The following CACNA1I variants were observed in gnomAD, a reference collection of about 807,000 sequenced individuals.
CACNA1I encodes the protein calcium voltage-gated channel subunit alpha1 I.
A neutral mutation model predicts 201.6 loss-of-function variants in CACNA1I; 74 were observed. The observed-to-expected ratio is 0.37, with a 90% CI of 0.30 to 0.45. The LOEUF (loss-of-function observed/expected upper bound fraction) is 0.45. CACNA1I is among the 20% of genes least tolerant of loss of function. The probability of loss-of-function intolerance (pLI) is 1.00; values close to 1 mark genes in which losing one functional copy is unlikely to be tolerated. For missense variants in CACNA1I, 2,346 were observed against 3,138.1 expected, an observed-to-expected ratio of 0.75 and a Z score of 6.03; for synonymous variants, 1,431 against 1,345.2, an observed-to-expected ratio of 1.06 and a Z score of -1.40.
At chr22:39,655,829 T>A (rs534138880) in intron 10 of CACNA1I, among the ~76,000 whole-genome samples, 1 of 152,328 alleles carries the variant, frequency 6.6e-6, no homozygotes, top group South Asian at 2.1e-4. Flanking sequence ...ACAGGTGTGC[T>A]GAATGGAGGA....
chr22:39,604,938 C>T (rs985433085), intron 3 of CACNA1I, among the ~76,000 whole-genome samples: 1 of 152,068 alleles, frequency 6.6e-6, no homozygotes, highest in Non-Finnish European at 1.5e-5. Context: ...TTTGGGAACT[C>T]AGGTGAACAG....
At chr22:39,682,401 A>T in intron 34 of CACNA1I, 95 bp from the exon 35 acceptor site, 2 of 1,007,234 alleles carry the variant, frequency 2.0e-6, no homozygotes, top group Non-Finnish European at 3.0e-6. Context: ...AGGGTAGCCT[A>T]GTTAAGCAAG....
At position 39,659,688 on chromosome 22, in the gene CACNA1I, C is replaced by T. The variant is rs773263655; in HGVS notation, c.2449-9C>T. 5.0e-6 allele frequency: 8 copies of T among 1,613,672 alleles called. No homozygotes were observed. In the South Asian group the frequency reaches 7.7e-5, roughly 16 times the overall value. ...GGGTACCCCAGGGCTAACTGTGTCT[C>T]CCCAACAGATCCTCACCCAGGAGGA... On this transcript the variant is annotated splice_polypyrimidine_tract_variant and intron_variant, in intron 13 of 36. Transcript: ENST00000402142. This position sits in a 1 kb window ranked among gnomAD's most constrained non-coding sequence, Gnocchi z 4.3.
chr22:39,620,193 A>G (rs1296735945), intron 4 of CACNA1I, among the ~76,000 whole-genome samples: 1 of 145,044 alleles, frequency 6.9e-6, no homozygotes, highest in Non-Finnish European at 1.5e-5. Context: ...TCATCCATCC[A>G]TTCACCCACC....
chr22:39,581,858 C>T (rs936655689), intron 1 of CACNA1I, among the ~76,000 whole-genome samples: 17 of 152,188 alleles, frequency 1.1e-4, no homozygotes, highest in Admixed American at 5.9e-4. Flanking sequence ...CCTCATCTGC[C>T]GAGTGGAGCC....
chr22:39,605,469 C>CCATTCATT (rs373946045), intron 3 of CACNA1I, among the ~76,000 whole-genome samples: 5 of 152,254 alleles, frequency 3.3e-5, no homozygotes, highest in Middle Eastern at 3.4e-3. Flanking sequence ...CCGGATGGTA[C>CCATTCATT]CATTCATTCA....
In CACNA1I at chr22:39,661,132, T is replaced by C. The variant is rs997849199; in HGVS notation, c.2723T>C (p.Met908Thr). Residue 908 changes from methionine (M) to threonine (T), a missense_variant, in exon 16 of 37, where the codon ATG (methionine) becomes ACG (threonine). Met to Thr is a moderately conservative substitution (Grantham distance 81, BLOSUM62 -1). Around this residue, in one of 13 missense-constraint regions of CACNA1I, gnomAD observed 92 missense variants for 114.5 expected, o/e 0.80. Transcript: ENST00000402142. ...SGDPKLCPIP[M>T]TPNGHLDPSL... ...GATCCCAAGCTCTGCCCAATCCCCA[T>C]GACCCCCAATGGGCACCTGGACCCC... The C allele has an allele frequency of 7.4e-6, 12 of 1,613,224 alleles. No homozygotes were observed. The African/African-American group carries it at 8.0e-5, about 11-fold the overall frequency.
intron 1 of CACNA1I, among the ~76,000 whole-genome samples, chr22:39,594,184 T>C (rs573868507): frequency 1.3e-5 from 2 of 152,286 alleles, no homozygotes; most frequent in East Asian, 3.9e-4. Flanking sequence ...TTTCCCCATG[T>C]CTCAGCCTTC....
chr22:39,607,195 T>G (rs1933245875), intron 3 of CACNA1I, among the ~76,000 whole-genome samples: 1 of 152,174 alleles, frequency 6.6e-6, no homozygotes, highest in African/African-American at 2.4e-5. Flanking sequence ...GGAGGCGCCT[T>G]ACATCTGAAA....
In CACNA1I at chr22:39,658,943, T is replaced by G; in HGVS notation, c.2157T>G (p.Ile719Met). The G allele has an allele frequency of 6.3e-7, 1 of 1,595,882 alleles. No individual in the cohort carries two copies. Residue 719 changes from isoleucine to methionine, a missense_variant, in exon 12 of 37, where the codon ATT becomes ATG. Ile to Met is a conservative substitution (Grantham distance 10). Transcript: ENST00000402142. ...SIIVIISIWE[I>M]VGQADGGLSV... ...TGCGGGACCGCAGCATCTGGGAGAT[T>G]GTGGGGCAGGCGGACGGTGGGCTGT...
In CACNA1I at chr22:39,649,522, C is replaced by A; in HGVS notation, c.1589C>A (p.Pro530His). The A allele has an allele frequency of 6.4e-7, 1 of 1,562,928 alleles. No individual in the cohort carries two copies. Among genetic ancestry groups the A allele is most frequent in the South Asian group, 1.2e-5 (1 of 84,472 alleles). ...SGRELCPQHS[P>H]LDATPHTLVQ... ...TCAGAGCTGTGCCCGCAACATAGCCCCCTGGATGCGACGCCCCACACCCTG... is the reference window on the plus strand; with the variant it reads ...TCAGAGCTGTGCCCGCAACATAGCCACCTGGATGCGACGCCCCACACCCTG... The change falls in exon 10 of 37, where the codon CCC becomes CAC. Residue 530 changes from proline (P) to histidine (H), a missense_variant. Coordinates refer to ENST00000402142, the MANE Select transcript of CACNA1I (RefSeq NM_021096.4). This position sits in a 1 kb window ranked among gnomAD's most constrained non-coding sequence, Gnocchi z 7.3.
At chr22:39,619,160 T>A (rs372999874) in intron 3 of CACNA1I, 150 bp from the exon 4 acceptor site, 1 of 650,416 alleles carries the variant, frequency 1.5e-6, no homozygotes, top group African/African-American at 1.8e-5. Context: ...CCAGGCCACA[T>A]GTTGGCCAGG....
In CACNA1I at chr22:39,665,806, G is replaced by A. The variant is rs189487957; in HGVS notation, c.3979-75G>A. 5.6e-6 allele frequency: 9 copies of A among 1,596,596 alleles called. No homozygotes were observed. Among genetic ancestry groups the A allele is most frequent in the East Asian group, 4.5e-5 (2 of 44,692 alleles). ...TGAGCACAAGACAGTCTGAGTAAAC[G>A]CGATCGAGAGGCGAGTTCCTCTCTG... On this transcript the variant is annotated intron_variant, in intron 22 of 36. Coordinates refer to ENST00000402142, the MANE Select transcript of CACNA1I (RefSeq NM_021096.4). The surrounding 1 kb of genome is among the most constrained non-coding windows in gnomAD (Gnocchi z 5.5).
intron 1 of CACNA1I, among the ~76,000 whole-genome samples, chr22:39,573,470 G>A (rs1170629733): frequency 6.6e-6 from 1 of 151,998 alleles, no homozygotes; most frequent in Non-Finnish European, 1.5e-5. Context: ...AGATGGGGGT[G>A]GTCAAGTCCT....
At chr22:39,627,424 C>T (rs367820026) in intron 4 of CACNA1I, among the ~76,000 whole-genome samples, 100 of 152,328 alleles carry the variant, frequency 6.6e-4, no homozygotes, top group African/African-American at 2.3e-3. Context: ...TGGACAGCGC[C>T]CCGAACGGCA....
rs59155285 is a variant in CACNA1I at position 39,583,031 on chromosome 22, ACCATCCATCCATCCAT to A, written c.236+12079_236+12094del. On this transcript the variant is annotated intron_variant, in intron 1 of 36. Transcript: ENST00000402142. Reference sequence around the variant, plus strand: ...ATCTGTCTTTCCATCCAAGCACCCAACCATCCATCCATCCATCCATCCATCCATCCATCCATCCATC... The same window carrying A: ...ATCTGTCTTTCCATCCAAGCACCCAACCATCCATCCATCCATCCATCCATC... 7.0e-3 allele frequency among the ~76,000 whole-genome samples: 818 copies of A among 116,528 alleles called. 4 individuals are homozygous for A. The highest frequency in any genetic ancestry group is 9.5e-3 in the Non-Finnish European group (545 of 57,134). 76.4% of individuals were successfully genotyped at this position (116,528 alleles called of 152,430 possible). A position where few individuals can be genotyped will look rare whatever the true frequency, so the allele number is the denominator to read the frequency against.
chr22:39,639,816 C>T (rs1162744925), intron 5 of CACNA1I, among the ~76,000 whole-genome samples: 1 of 152,182 alleles, frequency 6.6e-6, no homozygotes, highest in African/African-American at 2.4e-5. Context: ...CTATGGCATT[C>T]CATTAACCTT....
intron 4 of CACNA1I, among the ~76,000 whole-genome samples, chr22:39,632,590 G>A (rs1402187725): frequency 1.3e-5 from 2 of 152,166 alleles, no homozygotes; most frequent in Non-Finnish European, 2.9e-5. Flanking sequence ...GTGTGTGGGG[G>A]GAGGGTTGGG....
chr22:39,600,768 C>A (rs1933008563), intron 3 of CACNA1I, 115 bp downstream of exon 3: 1 of 1,279,184 alleles, frequency 7.8e-7, no homozygotes, highest in East Asian at 2.9e-5. Flanking sequence ...TGCGTGGGAC[C>A]CTCCTGGACC....
Sources: allele counts gnomAD v4.1 joint callset (sites outside exome capture counted in the v4.1 genomes callset), GRCh38; gene constraint gnomAD v4.1.1; regional missense constraint gnomAD v4.1.1; non-coding constraint Gnocchi (gnomAD v3.1); transcripts MANE v1.5; gene names NCBI Gene and HGNC (gene_info 2026-07-23, HGNC 2026-07-21).